KIRREL3: variants seen among roughly 807,000 people sequenced by gnomAD.
KIRREL3 encodes the protein kin of IRRE-like protein 3.
A neutral mutation model predicts 89.7 loss-of-function variants in KIRREL3; 36 were observed. That is an observed-to-expected ratio of 0.40 (90% CI 0.31 to 0.53). The LOEUF (loss-of-function observed/expected upper bound fraction) is 0.53, where lower values mean the gene tolerates loss of function less well. KIRREL3 is among the 20% of genes least tolerant of loss of function. KIRREL3 has a pLI of 0.49. For missense variants in KIRREL3, 864 were observed against 1,056.6 expected (o/e 0.82, Z 2.53); for synonymous variants, 445 against 441.4 (o/e 1.01, Z -0.10).
At chr11:126,887,090 C>T (rs1040562173) in intron 1 of KIRREL3, among the ~76,000 whole-genome samples, 1 of 152,034 alleles carries the variant, frequency 6.6e-6, no homozygotes, top group Admixed American at 6.6e-5. Context: ...AGGAAAAGCA[C>T]AGGGGGACAG....
In KIRREL3 at chr11:126,843,739, A is replaced by G. The variant is rs747683858; in HGVS notation, c.55+156716T>C. The stretch of plus-strand genomic sequence containing the variant: ...GATACAGGTCATGGAGACTTTGCTG[A>G]TAAAACAGCTTACAGTAAAAAAGCT... On this transcript the variant is annotated intron_variant, in intron 1 of 16. Transcript: ENST00000525144. This position sits in a 1 kb window ranked among gnomAD's most constrained non-coding sequence, Gnocchi z 4.6. 1.8e-4 allele frequency among the ~76,000 whole-genome samples: 28 copies of G among 152,202 alleles called. No individual in the cohort carries two copies. Among genetic ancestry groups the G allele is most frequent in the Non-Finnish European group, 3.2e-4 (22 of 68,032 alleles).
intron 1 of KIRREL3, among the ~76,000 whole-genome samples, chr11:126,858,542 C>T (rs944752409): frequency 2.0e-5 from 3 of 152,180 alleles, no homozygotes; most frequent in Non-Finnish European, 4.4e-5. Context: ...CTCTCTCTCT[C>T]TCTCCACATG....
chr11:126,693,424 C>T (rs1033132678), intron 1 of KIRREL3, among the ~76,000 whole-genome samples: 1 of 151,952 alleles, frequency 6.6e-6, no homozygotes, highest in African/African-American at 2.4e-5. Context: ...CTGTCTCAAA[C>T]ACAAACAAAC....
chr11:126,920,620 G>T (rs1276335032), intron 1 of KIRREL3: 1 of 152,110 alleles, frequency 6.6e-6, no homozygotes, highest in Admixed American at 6.6e-5. Flanking sequence ...TATTCCTCAG[G>T]ATATGTTTTA....
chr11:126,633,746 G>A (rs115511392), intron 1 of KIRREL3, among the ~76,000 whole-genome samples: 676 of 152,230 alleles, frequency 4.4e-3, no homozygotes, highest in African/African-American at 0.016. Flanking sequence ...AATGAAAAGG[G>A]TCTAAGAAAA....
chr11:126,962,940 A>G (rs1949140600), intron 1 of KIRREL3, among the ~76,000 whole-genome samples: 1 of 152,196 alleles, frequency 6.6e-6, no homozygotes, highest in African/African-American at 2.4e-5. Context: ...GATTTTGTAA[A>G]TTAAGGTCCA....
At position 126,723,769 on chromosome 11, in the gene KIRREL3, A is replaced by C. The variant is rs186160526; in HGVS notation, c.56-160857T>G. On this transcript the variant is annotated intron_variant, in intron 1 of 16. Transcript: ENST00000525144. This position sits in a 1 kb window ranked among gnomAD's most constrained non-coding sequence, Gnocchi z 4.0. ...TACAATATGAAAAGAGAAGGGAAGA[A>C]GGAAAGATGGAAGGAAAAGACTTGC... Among the ~76,000 whole-genome samples the C allele has an allele frequency of 4.3e-4, 65 of 152,366 alleles. No homozygotes were observed. Among genetic ancestry groups the C allele is most frequent in the Admixed American group, 7.2e-4 (11 of 15,310 alleles).
rs1031763062 is a variant in KIRREL3, at chr11:126,645,759, C to T, written c.56-82847G>A. On this transcript the variant is annotated intron_variant, in intron 1 of 16. Transcript: ENST00000525144. The surrounding 1 kb of genome is among the most constrained non-coding windows in gnomAD (Gnocchi z 4.9). ...TGAATGGCAGATAAGGTGGTGTCTTCGCCTATGCTTTGGACCACATTTAAT... is the reference window on the plus strand; with the variant it reads ...TGAATGGCAGATAAGGTGGTGTCTTTGCCTATGCTTTGGACCACATTTAAT... Among the ~76,000 whole-genome samples, 14 of 152,208 alleles carry T rather than the reference C, an allele frequency of 9.2e-5. No homozygotes were observed. The highest frequency in any genetic ancestry group is 6.5e-4 in the Admixed American group (10 of 15,276).
rs565216354 is a variant in KIRREL3 at position 126,643,997 on chromosome 11, G to C, written c.56-81085C>G. On this transcript the variant is annotated intron_variant, in intron 1 of 16. Coordinates refer to ENST00000525144, the MANE Select transcript of KIRREL3 (RefSeq NM_032531.4). The surrounding 1 kb of genome is among the most constrained non-coding windows in gnomAD (Gnocchi z 4.5). ...AGTTAGGGACCTTGTAGGAAACCAC[G>C]TGCAGATGCTCAGTCTAGCTGGAAC... Among the ~76,000 whole-genome samples, 1 of 152,302 alleles carries C rather than the reference G, an allele frequency of 6.6e-6. No individual in the cohort carries two copies. Among genetic ancestry groups the C allele is most frequent in the Admixed American group, 6.5e-5 (1 of 15,304 alleles).
rs970022044 is a variant in KIRREL3 at position 126,476,684 on chromosome 11, T to C, written c.434-3218A>G. Among the ~76,000 whole-genome samples, 8 of 148,074 alleles carry C rather than the reference T, an allele frequency of 5.4e-5. No individual in the cohort carries two copies. Among genetic ancestry groups the C allele is most frequent in the Admixed American group, 2.0e-4 (3 of 14,818 alleles). The stretch of plus-strand genomic sequence containing the variant: ...GGGGCTGGGGGGGGGTGGGGGTTGG[T>C]GAGGATGGAGGATGTTTGGGGGCCA... On this transcript the variant is annotated intron_variant, in intron 4 of 16. Transcript: ENST00000525144. The surrounding 1 kb of genome is among the most constrained non-coding windows in gnomAD (Gnocchi z 6.4).
At position 126,689,179 on chromosome 11, in the gene KIRREL3, T is replaced by C. The variant is rs958282375; in HGVS notation, c.56-126267A>G. Among the ~76,000 whole-genome samples the C allele has an allele frequency of 3.9e-5, 6 of 152,028 alleles. No homozygotes were observed. Among genetic ancestry groups the C allele is most frequent in the African/African-American group, 9.7e-5 (4 of 41,362 alleles). On this transcript the variant is annotated intron_variant, in intron 1 of 16. Coordinates refer to ENST00000525144, the MANE Select transcript of KIRREL3 (RefSeq NM_032531.4). This position sits in a 1 kb window ranked among gnomAD's most constrained non-coding sequence, Gnocchi z 5.2. ...CAGGAAACATCAACAGTCTGAGAAT[T>C]GTTGTTTCAGGAACTAGAAAGAATC... is the stretch of plus-strand genomic sequence containing the variant.
In KIRREL3 at chr11:126,877,267, A is replaced by T. The variant is rs1017500788; in HGVS notation, c.55+123188T>A. 1.3e-5 allele frequency among the ~76,000 whole-genome samples: 2 copies of T among 152,366 alleles called. No homozygotes were observed. The highest frequency in any genetic ancestry group is 1.9e-4 in the East Asian group (1 of 5,188). ...TCCAGCCAGCCAAGAGCTGCATTACATCTGGAACTGGGCTCAGATAGCAAA... is the reference window on the plus strand; with the variant it reads ...TCCAGCCAGCCAAGAGCTGCATTACTTCTGGAACTGGGCTCAGATAGCAAA... On this transcript the variant is annotated intron_variant, in intron 1 of 16. Transcript: ENST00000525144. The surrounding 1 kb of genome is among the most constrained non-coding windows in gnomAD (Gnocchi z 4.9).
At chr11:126,438,196 G>C (rs1404753336) in intron 11 of KIRREL3, among the ~76,000 whole-genome samples, 1 of 152,236 alleles carries the variant, frequency 6.6e-6, no homozygotes, top group East Asian at 1.9e-4. Flanking sequence ...CCCCATGAAC[G>C]CGTCTACCTG....
Position 126,602,936 on chromosome 11 carries a change from TAGCTAC to T in KIRREL3, c.56-40030_56-40025del, listed in dbSNP as rs200770050. Among the ~76,000 whole-genome samples, 12 of 152,278 alleles carry T rather than the reference TAGCTAC, an allele frequency of 7.9e-5. No homozygotes were observed. In the East Asian group the frequency reaches 2.3e-3, roughly 29 times the overall value. On this transcript the variant is annotated intron_variant, in intron 1 of 16. Coordinates refer to ENST00000525144, the MANE Select transcript of KIRREL3 (RefSeq NM_032531.4). The stretch of plus-strand genomic sequence containing the variant: ...AGGTAGGCCTGTCCAACTCAGCTAA[TAGCTAC>T]AGAGGTCTCAAGAAGTAATGATTGG...
chr11:126,685,277 G>A lies in KIRREL3; in HGVS notation c.56-122365C>T, dbSNP rs569001191. Among the ~76,000 whole-genome samples, 1 of 152,282 alleles carries A rather than the reference G, an allele frequency of 6.6e-6. No homozygotes were observed. The highest frequency in any genetic ancestry group is 6.5e-5 in the Admixed American group (1 of 15,308). On this transcript the variant is annotated intron_variant, in intron 1 of 16. Transcript: ENST00000525144. This position sits in a 1 kb window ranked among gnomAD's most constrained non-coding sequence, Gnocchi z 5.5. Reference sequence around the variant, plus strand: ...CTTGGGGTCACATGAACACACAATTGAGCAACAAAACATAGTCACACAGGG... The same window carrying A: ...CTTGGGGTCACATGAACACACAATTAAGCAACAAAACATAGTCACACAGGG...
chr11:126,679,819 C>T (rs920758583), intron 1 of KIRREL3, among the ~76,000 whole-genome samples: 5 of 152,196 alleles, frequency 3.3e-5, no homozygotes, highest in Admixed American at 2.0e-4. Flanking sequence ...GTTTAGCTAA[C>T]CTAACTTGCC....
chr11:126,785,099 A>T (rs1184169824), intron 1 of KIRREL3, among the ~76,000 whole-genome samples: 1 of 152,172 alleles, frequency 6.6e-6, no homozygotes. Context: ...GGAGAATCTT[A>T]TACTAAACTC....
rs1299352947 is a variant in KIRREL3 at position 126,904,456 on chromosome 11, C to T, written c.55+95999G>A. 6.6e-6 allele frequency among the ~76,000 whole-genome samples: 1 copy of T among 152,204 alleles called. No homozygotes were observed. ...CTGATAAAAGGAACCTGCTCCAAAG[C>T]AATGTTAACATAGCAGATATTTGGT... On this transcript the variant is annotated intron_variant, in intron 1 of 16. Coordinates refer to ENST00000525144, the MANE Select transcript of KIRREL3 (RefSeq NM_032531.4). This position sits in a 1 kb window ranked among gnomAD's most constrained non-coding sequence, Gnocchi z 4.4.
chr11:126,479,313 C>G (rs1007867159), intron 4 of KIRREL3, among the ~76,000 whole-genome samples: 2 of 152,196 alleles, frequency 1.3e-5, no homozygotes, highest in Admixed American at 6.5e-5. Flanking sequence ...GCCCTCCTGC[C>G]TCCCTCCCTC....
Sources: gnomAD v4.1 joint callset for allele counts (sites outside exome capture counted in the v4.1 genomes callset) on GRCh38, gnomAD v4.1.1 for gene constraint, Gnocchi (gnomAD v3.1) non-coding constraint, MANE v1.5 for transcripts, NCBI Gene and HGNC (gene_info 2026-07-23, HGNC 2026-07-21) for gene names.